Variants in ROBO4 observed in about 807,000 individuals in gnomAD.
The protein encoded by ROBO4 is roundabout guidance receptor 4.
Under a neutral mutation model 103.3 loss-of-function variants are expected in ROBO4, and 80 were observed. The observed-to-expected ratio is 0.77, with a 90% confidence interval of 0.65 to 0.93. The LOEUF (loss-of-function observed/expected upper bound fraction) is 0.93, where lower values mean the gene tolerates loss of function less well. ROBO4 is among the 40% of genes least tolerant of loss of function. The pLI, the probability that ROBO4 is intolerant of heterozygous loss-of-function variation, is 0.00. For synonymous variants in ROBO4, 504 were observed against 529.7 expected, an observed-to-expected ratio of 0.95 and a Z score of 0.67; for missense variants, 1,333 against 1,305.3, an observed-to-expected ratio of 1.02 and a Z score of -0.33.
intron 4 of ROBO4, 140 bp downstream of exon 4, chr11:124,896,058 A>T (rs1204319183): frequency 6.6e-7 from 1 of 1,512,436 alleles, no homozygotes. Flanking sequence ...CTACTCTAGC[A>T]GGGGGGAACC....
At position 124,885,220 on chromosome 11, in the gene ROBO4, T is replaced by A. The variant is rs201729497; in HGVS notation, c.2822A>T (p.Asp941Val). The change falls in exon 17 of 18, where the codon GAT becomes GTT. Residue 941 changes from aspartate (D) to valine (V), a missense_variant. Transcript: ENST00000306534. ...GAGGTTGGGGGTCAGGAAGATCTCA[T>A]CCCGTGGGGAGGGAGGTGATGAGGC... ...IDASSPPSPR[D>V]EIFLTPNLSL... 583 of 1,612,736 alleles carry A rather than the reference T, an allele frequency of 3.6e-4. No homozygotes were observed. Among genetic ancestry groups the A allele is most frequent in the Non-Finnish European group, 4.7e-4 (560 of 1,179,990 alleles).
Position 124,891,704 on chromosome 11 carries a change from C to G in ROBO4, c.1646G>C (p.Gly549Ala), listed in dbSNP as rs568860057. The part of the protein sequence containing the change: ...SSSSSLSSRL[G>A]ADARDPLDCR... ...GTCTAGTGGGTCCCGGGCATCCGCC[C>G]CCAGCCGACTGCTGAGGCTGCTGCT... The change falls in exon 11 of 18, where the codon GGG becomes GCG. Residue 549 changes from glycine (G) to alanine (A), a missense_variant. Transcript: ENST00000306534. The G allele has an allele frequency of 6.2e-7, 1 of 1,614,172 alleles. No individual in the cohort carries two copies. The highest frequency in any genetic ancestry group is 1.1e-5 in the South Asian group (1 of 91,076).
rs771372611 is a variant in ROBO4, at chr11:124,885,223, C to T, written c.2819G>A (p.Arg940Gln). Residue 940 changes from arginine to glutamine, a missense_variant, in exon 17 of 18, where the codon CGG (arginine) becomes CAG (glutamine). Transcript: ENST00000306534. ...FIDASSPPSP[R>Q]DEIFLTPNLS... ...GTTGGGGGTCAGGAAGATCTCATCC[C>T]GTGGGGAGGGAGGTGATGAGGCATC... 40 of 1,612,518 alleles carry T rather than the reference C, an allele frequency of 2.5e-5. No individual in the cohort carries two copies. The highest frequency in any genetic ancestry group is 6.6e-5 in the South Asian group (6 of 91,074).
Position 124,884,796 on chromosome 11 carries a change from A to T in ROBO4, c.*95T>A, listed in dbSNP as rs1946684430. 3 of 1,400,372 alleles carry T rather than the reference A, an allele frequency of 2.1e-6. No homozygotes were observed. The highest frequency in any genetic ancestry group is 2.8e-5 in the African/African-American group (2 of 70,726). The allele number at this position is 1,400,372 out of a possible 1,614,324, so 86.7% of individuals were successfully genotyped here. ...GGAAGGTGGACCCCAGCTGCAGAGA[A>T]ACACAGGCCAAGACCCACACACCAC... On this transcript the variant is annotated 3_prime_UTR_variant, in exon 18 of 18. Coordinates refer to ENST00000306534, the MANE Select transcript of ROBO4 (RefSeq NM_019055.6).
At chr11:124,893,813 G>C (rs1394411884) in intron 9 of ROBO4, 47 bp downstream of exon 9, 2 of 1,612,906 alleles carry the variant, frequency 1.2e-6, no homozygotes, top group Non-Finnish European at 1.7e-6. Flanking sequence ...ATTCTGGCTG[G>C]ATGCTGAGGA....
At chr11:124,886,889 C>T in intron 15 of ROBO4, 67 bp from the exon 16 acceptor site, 4 of 1,531,486 alleles carry the variant, frequency 2.6e-6, no homozygotes, top group South Asian at 1.3e-5. Flanking sequence ...AACAGAAAAG[C>T]CCCAGTTGAG....
At chr11:124,887,911 T>A in intron 12 of ROBO4, 71 bp from the exon 13 acceptor site, 1 of 1,276,934 alleles carries the variant, frequency 7.8e-7, no homozygotes, top group Middle Eastern at 1.9e-4. Flanking sequence ...GGCTCTATCT[T>A]CAGCCTTATT....
Position 124,886,746 on chromosome 11 carries a change from C to G in ROBO4, c.2512G>C (p.Glu838Gln). The G allele has an allele frequency of 6.3e-7, 1 of 1,583,312 alleles. No individual in the cohort carries two copies. The highest frequency in any genetic ancestry group is 8.6e-7 in the Non-Finnish European group (1 of 1,161,734). The change falls in exon 16 of 18, where the codon GAG becomes CAG. Residue 838 changes from glutamate to glutamine, a missense_variant. Transcript: ENST00000306534. ...YGYISVPTASEFTDMGRTGGG... is the reference protein window; with the variant it reads ...YGYISVPTASQFTDMGRTGGG... ...CCAGTCCTGCCCATGTCCGTGAACT[C>G]TGAGGCTGTTGGGACGCTGATGTAC...
Position 124,887,173 on chromosome 11 carries a change from G to T in ROBO4, c.2239C>A (p.Pro747Thr). The T allele has an allele frequency of 6.2e-7, 1 of 1,603,892 alleles. No individual in the cohort carries two copies. Among genetic ancestry groups the T allele is most frequent in the Non-Finnish European group, 8.5e-7 (1 of 1,174,154 alleles). The change falls in exon 15 of 18, where the codon CCA (proline) becomes ACA (threonine). Residue 747 changes from proline (P) to threonine (T), a missense_variant. Coordinates refer to ENST00000306534, the MANE Select transcript of ROBO4 (RefSeq NM_019055.6). The stretch of plus-strand genomic sequence containing the variant: ...CTAAGGATGGGGATGGGGGCTGCTG[G>T]CAGCAGGATGGAGGAGGGAGCCTGT... ...APQAPSSILL[P>T]AAPIPILSPC...
chr11:124,886,522 C>T lies in ROBO4; in HGVS notation c.2736G>A (p.Val912=), dbSNP rs776144530. The T allele has an allele frequency of 7.1e-5, 115 of 1,614,118 alleles. No homozygotes were observed. The South Asian group carries it at 1.2e-3, about 17-fold the overall frequency. The change falls in exon 16 of 18, where the codon GTG becomes GTA. Residue 912 remains valine (V), a synonymous_variant. Coordinates refer to ENST00000306534, the MANE Select transcript of ROBO4 (RefSeq NM_019055.6). ...GACCGAAACCAAAGCTATCCACAGC[C>T]ACTGCCAGGGCCCGGGCAAAGTGAG... The part of the protein sequence containing the change: ...ADAHFARALA[V]AVDSFGFGLE...
At chr11:124,893,208 TG>T (rs1946826109) in intron 10 of ROBO4, among the ~76,000 whole-genome samples, 1 of 152,164 alleles carries the variant, frequency 6.6e-6, no homozygotes, top group Non-Finnish European at 1.5e-5. Flanking sequence ...GAAGGGCCCA[TG>T]GGCAGATCCT....
rs991604877 is a variant in ROBO4 at position 124,895,680 on chromosome 11, A to G, written c.813T>C (p.Ser271=). The G allele has an allele frequency of 3.1e-6, 5 of 1,612,362 alleles. No individual in the cohort carries two copies. Among genetic ancestry groups the G allele is most frequent in the Admixed American group, 3.3e-5 (2 of 59,968 alleles). The part of the protein sequence containing the change: ...RPAVWLSWKV[S]GPAAPAQSYT... The stretch of plus-strand genomic sequence containing the variant: ...AAGATTGGGCAGGCGCAGCAGGGCC[A>G]CTGACCTGGGAAGGAGTTTCGAGGA... The change falls in exon 6 of 18, where the codon AGT becomes AGC. Residue 271 remains serine (S), a synonymous_variant. Coordinates refer to ENST00000306534, the MANE Select transcript of ROBO4 (RefSeq NM_019055.6).
At chr11:124,891,194 G>T in intron 12 of ROBO4, 105 bp downstream of exon 12, 1 of 1,346,986 alleles carries the variant, frequency 7.4e-7, no homozygotes, top group Non-Finnish European at 9.9e-7. Context: ...GGAGGGTGTG[G>T]AGGTTGCACG....
chr11:124,897,649 G>A (rs2135382034), intron 1 of ROBO4, 77 bp downstream of exon 1: 3 of 1,285,544 alleles, frequency 2.3e-6, no homozygotes, highest in Non-Finnish European at 3.4e-6. Flanking sequence ...AAGGGAAGCA[G>A]GCAGTCAGCA....
At chr11:124,892,895 C>T (rs1761544718) in intron 10 of ROBO4, 1 of 152,546 alleles carries the variant, frequency 6.6e-6, no homozygotes, top group African/African-American at 2.4e-5. Flanking sequence ...AAACTCAAAA[C>T]ACAACACCAG....
chr11:124,891,483 C>A lies in ROBO4; in HGVS notation c.1764G>T (p.Glu588Asp). 6.2e-7 allele frequency: 1 copy of A among 1,613,292 alleles called. No homozygotes were observed. Among genetic ancestry groups the A allele is most frequent in the Non-Finnish European group, 8.5e-7 (1 of 1,179,572 alleles). ...TSTFYGSLIA[E>D]LPSSTPARPS... ...GCCTGGCTGGGGTACTGGAGGGCAG[C>A]TCAGCGATGAGGGAGCCATAAAAAG... Residue 588 changes from glutamate to aspartate, a missense_variant, in exon 12 of 18, where the codon GAG (glutamate) becomes GAT (aspartate). Glu to Asp is a conservative substitution (Grantham distance 45, BLOSUM62 2). Transcript: ENST00000306534.
At position 124,887,723 on chromosome 11, in the gene ROBO4, C is replaced by G. The variant is rs774201793; in HGVS notation, c.2056+10G>C. On this transcript the variant is annotated intron_variant, in intron 13 of 17. Coordinates refer to ENST00000306534, the MANE Select transcript of ROBO4 (RefSeq NM_019055.6). ...ACCCCTTCACTTCCCTTTCAGGGAC[C>G]CCCTCTCACCTGGGCTTTGGGAAAG... 14 of 1,611,832 alleles carry G rather than the reference C, an allele frequency of 8.7e-6. No individual in the cohort carries two copies. Among genetic ancestry groups the G allele is most frequent in the Non-Finnish European group, 1.1e-5 (13 of 1,178,220 alleles).
In ROBO4 at chr11:124,893,940, C is replaced by T. The variant is rs1339065641; in HGVS notation, c.1424G>A (p.Gly475Asp). Residue 475 changes from glycine to aspartate, a missense_variant, in exon 9 of 18, where the codon GGT becomes GAT. Physicochemically the swap from Gly to Asp is moderately conservative, Grantham distance 94. Transcript: ENST00000306534. The stretch of plus-strand genomic sequence containing the variant: ...CAGAAGCAGCAGCCAGAGTGCAACA[C>T]CGCAGGTGGCAATGACCTCAGGCCG... ...LKRPEVIATC[G>D]VALWLLLLGT... 1.2e-6 allele frequency: 2 copies of T among 1,610,438 alleles called. No homozygotes were observed. The highest frequency in any genetic ancestry group is 8.5e-7 in the Non-Finnish European group (1 of 1,179,254).
At chr11:124,889,029 C>T (rs921041034) in intron 12 of ROBO4, among the ~76,000 whole-genome samples, 11 of 152,090 alleles carry the variant, frequency 7.2e-5, no homozygotes, top group Admixed American at 5.2e-4. Context: ...GGGGCCACTA[C>T]GGGCAGCTTC....
Sources: gnomAD v4.1 joint callset for allele counts (sites outside exome capture counted in the v4.1 genomes callset) on GRCh38, gnomAD v4.1.1 for gene constraint, MANE v1.5 for transcripts, NCBI Gene and HGNC (gene_info 2026-07-23, HGNC 2026-07-21) for gene names.